Variants in FBXO39 observed in about 807,000 individuals in gnomAD.
FBXO39 encodes F-box only protein 39.
Under a neutral mutation model 36.6 loss-of-function variants are expected in FBXO39, and 22 were observed. The ratio of observed to expected loss-of-function variants is 0.60; its 90% confidence interval spans 0.43 to 0.86. The LOEUF is 0.86. FBXO39 is among the 40% of genes least tolerant of loss of function. The pLI, the probability that FBXO39 is intolerant of heterozygous loss-of-function variation, is 0.00. For synonymous variants in FBXO39, 206 were observed against 205.8 expected, an observed-to-expected ratio of 1.00 and a Z score of -0.01; for missense variants, 536 against 543.9, an observed-to-expected ratio of 0.99 and a Z score of 0.14.
At chr17:6,786,395 C>T (rs1976570420) in intron 2 of FBXO39, among the ~76,000 whole-genome samples, 1 of 150,638 alleles carries the variant, frequency 6.6e-6, no homozygotes, top group South Asian at 2.1e-4. Flanking sequence ...CTAATGGGTA[C>T]AAAAAAAGTT....
At chr17:6,784,816 G>A (rs1049423483) in intron 2 of FBXO39, among the ~76,000 whole-genome samples, 1 of 151,956 alleles carries the variant, frequency 6.6e-6, no homozygotes, top group African/African-American at 2.4e-5. Flanking sequence ...AATCAATGTT[G>A]TCAAAATGTT....
At position 6,786,772 on chromosome 17, in the gene FBXO39, T is replaced by G. The variant is rs367870241; in HGVS notation, c.1024-8T>G. ...CCACACACATCTTCCCTTTTGGTGC[T>G]CTTCCAGAAATTAACTTGTGAATTC... On this transcript the variant is annotated splice_polypyrimidine_tract_variant and splice_region_variant and intron_variant, in intron 2 of 3. Coordinates refer to ENST00000321535, the MANE Select transcript of FBXO39 (RefSeq NM_153230.3). The G allele has an allele frequency of 2.7e-5, 43 of 1,593,644 alleles. No individual in the cohort carries two copies. The highest frequency in any genetic ancestry group is 1.7e-4 in the Middle Eastern group (1 of 5,992).
Position 6,780,021 on chromosome 17 carries a change from T to C in FBXO39, c.153T>C (p.Tyr51=), listed in dbSNP as rs1976485355. The C allele has an allele frequency of 2.5e-6, 4 of 1,614,112 alleles. No homozygotes were observed. Among genetic ancestry groups the C allele is most frequent in the African/African-American group, 1.3e-5 (1 of 74,934 alleles). ...GCAGAAAGTGGAACCAGATGATGTATTCTGCTGAGCTCTGGCGGTACAGAA... is the reference window on the plus strand; with the variant it reads ...GCAGAAAGTGGAACCAGATGATGTACTCTGCTGAGCTCTGGCGGTACAGAA... ...LVCRKWNQMM[Y]SAELWRYRTI... is the part of the protein sequence containing the mutation. Residue 51 remains tyrosine, a synonymous_variant, in exon 2 of 4, where the codon TAT becomes TAC. Transcript: ENST00000321535.
chr17:6,786,987 T>C (rs1308619126), intron 3 of FBXO39, 31 bp downstream of exon 3: 1 of 1,591,418 alleles, frequency 6.3e-7, no homozygotes, highest in Non-Finnish European at 8.6e-7. Context: ...TTCCACGGCG[T>C]AGAGTGGGGG....
In FBXO39 at chr17:6,786,772, T is replaced by C. The variant is rs367870241; in HGVS notation, c.1024-8T>C. 6.3e-7 allele frequency: 1 copy of C among 1,593,762 alleles called. No individual in the cohort carries two copies. Among genetic ancestry groups the C allele is most frequent in the South Asian group, 1.2e-5 (1 of 86,900 alleles). On this transcript the variant is annotated splice_polypyrimidine_tract_variant and splice_region_variant and intron_variant, in intron 2 of 3. Coordinates refer to ENST00000321535, the MANE Select transcript of FBXO39 (RefSeq NM_153230.3). ...CCACACACATCTTCCCTTTTGGTGC[T>C]CTTCCAGAAATTAACTTGTGAATTC... is the stretch of plus-strand genomic sequence containing the variant.
chr17:6,782,494 AAAAG>A (rs1976521351), intron 2 of FBXO39, among the ~76,000 whole-genome samples: 1 of 152,196 alleles, frequency 6.6e-6, no homozygotes, highest in Admixed American at 6.5e-5. Flanking sequence ...GAACAGATTA[AAAAG>A]AAAGACTCAA....
intron 1 of FBXO39, among the ~76,000 whole-genome samples, 164 bp downstream of exon 1, chr17:6,776,436 A>G (rs571860685): frequency 7.2e-4 from 58 of 80,126 alleles, no homozygotes; most frequent in African/African-American, 2.2e-3. Context: ...TGGCTGCAGG[A>G]GTTGCCAGGC....
intron 2 of FBXO39, among the ~76,000 whole-genome samples, chr17:6,785,979 T>C (rs1378956938): frequency 6.6e-6 from 1 of 152,208 alleles, no homozygotes; most frequent in African/African-American, 2.4e-5. Context: ...AGCTTACATA[T>C]GATCCAGCAA....
In FBXO39 at chr17:6,780,022, T is replaced by G; in HGVS notation, c.154T>G (p.Ser52Ala). 1 of 1,614,228 alleles carries G rather than the reference T, an allele frequency of 6.2e-7. No individual in the cohort carries two copies. Among genetic ancestry groups the G allele is most frequent in the Non-Finnish European group, 8.5e-7 (1 of 1,180,040 alleles). The change falls in exon 2 of 4, where the codon TCT becomes GCT. Residue 52 changes from serine (S) to alanine (A), a missense_variant. Coordinates refer to ENST00000321535, the MANE Select transcript of FBXO39 (RefSeq NM_153230.3). ...VCRKWNQMMY[S>A]AELWRYRTIT... ...CAGAAAGTGGAACCAGATGATGTAT[T>G]CTGCTGAGCTCTGGCGGTACAGAAC...
chr17:6,780,172 G>A lies in FBXO39; in HGVS notation c.304G>A (p.Ala102Thr). The A allele has an allele frequency of 6.2e-7, 1 of 1,614,168 alleles. No homozygotes were observed. Among genetic ancestry groups the A allele is most frequent in the Non-Finnish European group, 8.5e-7 (1 of 1,180,024 alleles). The change falls in exon 2 of 4, where the codon GCT (alanine) becomes ACT (threonine). Residue 102 changes from alanine (A) to threonine (T), a missense_variant. Coordinates refer to ENST00000321535, the MANE Select transcript of FBXO39 (RefSeq NM_153230.3). ...GGTCAAATTCATGAATCCTTACAAT[G>A]CTGTCTTGACCAAGAAGTTCCAGGT... ...LEVKFMNPYN[A>T]VLTKKFQVTM... is the part of the protein sequence containing the mutation.
intron 1 of FBXO39, 22 bp from the exon 2 acceptor site, chr17:6,779,767 T>C: frequency 8.0e-7 from 1 of 1,252,132 alleles, no homozygotes; most frequent in Non-Finnish European, 1.1e-6. Context: ...AGGTAATGGC[T>C]CTTCCTTTTT....
intron 3 of FBXO39, 151 bp downstream of exon 3, chr17:6,787,107 T>C (rs1597778048): frequency 1.5e-6 from 2 of 1,308,330 alleles, no homozygotes; most frequent in East Asian, 4.9e-5. Flanking sequence ...TCTGGAGCTC[T>C]CTTTTCTAGT....
chr17:6,787,540 T>C lies in FBXO39; in HGVS notation c.*112T>C, dbSNP rs1976591812. 1.3e-5 allele frequency: 10 copies of C among 776,782 alleles called. No individual in the cohort carries two copies. The highest frequency in any genetic ancestry group is 2.4e-5 in the South Asian group (1 of 41,170). The allele number at this position is 776,782 out of a possible 1,614,324, so 48.1% of individuals were successfully genotyped here. ...TTTTGCTCCTCTCTCTCCCCTCCAC[T>C]TTTTTTTTTTGTCAGCTCCATGACA... On this transcript the variant is annotated 3_prime_UTR_variant, in exon 4 of 4. Coordinates refer to ENST00000321535, the MANE Select transcript of FBXO39 (RefSeq NM_153230.3).
Position 6,780,145 on chromosome 17 carries a change from G to C in FBXO39, c.277G>C (p.Glu93Gln), listed in dbSNP as rs1346518948. The C allele has an allele frequency of 6.2e-7, 1 of 1,614,190 alleles. No homozygotes were observed. Among genetic ancestry groups the C allele is most frequent in the Non-Finnish European group, 8.5e-7 (1 of 1,180,040 alleles). Residue 93 changes from glutamate to glutamine, a missense_variant, in exon 2 of 4, where the codon GAG (glutamate) becomes CAG (glutamine). By Grantham distance (29) the Glu-to-Gln change is conservative. Transcript: ENST00000321535. ...KKFGRYLEHL[E>Q]VKFMNPYNAV... ...GTTTGGTCGTTATCTGGAGCACCTG[G>C]AGGTCAAATTCATGAATCCTTACAA...
At position 6,786,965 on chromosome 17, in the gene FBXO39, TC is replaced by T; in HGVS notation, c.1200+13del. ...CCCTGCGTGTATTCAAGGTAAGAGG[TC>T]CCCAGGCTGGTTCCACGGCGTAGAG... On this transcript the variant is annotated intron_variant, in intron 3 of 3. Coordinates refer to ENST00000321535, the MANE Select transcript of FBXO39 (RefSeq NM_153230.3). 1 of 1,607,422 alleles carries T rather than the reference TC, an allele frequency of 6.2e-7. No homozygotes were observed. The highest frequency in any genetic ancestry group is 8.5e-7 in the Non-Finnish European group (1 of 1,176,814).
At chr17:6,786,630 A>G (rs1159780721) in intron 2 of FBXO39, 150 bp from the exon 3 acceptor site, 1 of 615,836 alleles carries the variant, frequency 1.6e-6, no homozygotes, top group Non-Finnish European at 2.8e-6. Context: ...ATATGTACCT[A>G]TGTACCACAA....
intron 2 of FBXO39, among the ~76,000 whole-genome samples, chr17:6,785,008 A>G (rs1461116669): frequency 6.6e-6 from 1 of 151,214 alleles, no homozygotes; most frequent in African/African-American, 2.5e-5. Flanking sequence ...TGTCCTGACC[A>G]AAAAGAACAA....
intron 1 of FBXO39, among the ~76,000 whole-genome samples, chr17:6,777,063 G>A (rs1442354827): frequency 6.6e-6 from 1 of 151,962 alleles, no homozygotes; most frequent in African/African-American, 2.4e-5. Context: ...AACCTTGCTA[G>A]GCCAAAAGGT....
intron 1 of FBXO39, among the ~76,000 whole-genome samples, chr17:6,779,555 A>G (rs1976476998): frequency 6.6e-6 from 1 of 152,200 alleles, no homozygotes; most frequent in Admixed American, 6.5e-5. Context: ...GCTACCCCAC[A>G]CTATGAGTCT....
Sources: allele counts gnomAD v4.1 joint callset (sites outside exome capture counted in the v4.1 genomes callset), GRCh38; gene constraint gnomAD v4.1.1; transcripts MANE v1.5; gene names NCBI Gene and HGNC (gene_info 2026-07-23, HGNC 2026-07-21).